The following MAPK8 variants were observed in gnomAD, a reference collection of about 807,000 sequenced individuals.
The protein encoded by MAPK8 is mitogen-activated protein kinase 8.
In MAPK8, 13 loss-of-function variants were observed where a neutral mutation model predicts 52.9. That is an observed-to-expected ratio of 0.25 (90% CI 0.16 to 0.39). The LOEUF is 0.39. MAPK8 is among the 10% of genes least tolerant of loss of function. The pLI, the probability that MAPK8 is intolerant of heterozygous loss-of-function variation, is 1.00. For missense variants in MAPK8, 300 were observed against 519.2 expected (o/e 0.58, Z 4.10); for synonymous variants, 191 against 169.8 (o/e 1.12, Z -0.97).
rs1009348136 is a variant in MAPK8 at position 48,324,548 on chromosome 10, G to A, written c.-50+17727G>A. Among the ~76,000 whole-genome samples the A allele has an allele frequency of 1.1e-4, 13 of 122,612 alleles. 1 individual carries two copies. The highest frequency in any genetic ancestry group is 1.6e-4 in the Non-Finnish European group (10 of 61,474). The allele number at this position is 122,612 out of a possible 152,430, so 80.4% of individuals were successfully genotyped here. A position where few individuals can be genotyped will look rare whatever the true frequency, so the allele number is the denominator to read the frequency against. ...ACTCATGATATTGGCTTCTTGAAGAGACCAGGCCATTTGTCATATAGAATG... is the reference window on the plus strand; with the variant it reads ...ACTCATGATATTGGCTTCTTGAAGAAACCAGGCCATTTGTCATATAGAATG... On this transcript the variant is annotated intron_variant, in intron 1 of 11. Coordinates refer to ENST00000374189, the MANE Select transcript of MAPK8 (RefSeq NM_001323329.2).
At chr10:48,391,703 A>G (rs1353416475) in intron 1 of MAPK8, among the ~76,000 whole-genome samples, 2 of 152,114 alleles carry the variant, frequency 1.3e-5, no homozygotes, top group Non-Finnish European at 2.9e-5. Context: ...TGGAGATAGC[A>G]TGAGATCTCA....
At chr10:48,374,022 A>G (rs1256230530) in intron 1 of MAPK8, among the ~76,000 whole-genome samples, 2 of 152,210 alleles carry the variant, frequency 1.3e-5, no homozygotes, top group African/African-American at 2.4e-5. Context: ...AGTAAATGCA[A>G]GAGAACAGAA....
chr10:48,334,558 C>T (rs576260470), intron 1 of MAPK8, among the ~76,000 whole-genome samples: 49 of 152,308 alleles, frequency 3.2e-4, no homozygotes, highest in Middle Eastern at 3.4e-3. Flanking sequence ...CGTATGTCAC[C>T]TCCACTGCCT....
At chr10:48,354,276 CTG>C (rs1846630657) in intron 1 of MAPK8, among the ~76,000 whole-genome samples, 1 of 152,196 alleles carries the variant, frequency 6.6e-6, no homozygotes, top group South Asian at 2.1e-4. Flanking sequence ...GACATTTAAA[CTG>C]GTTTTTGCCC....
At chr10:48,433,190 C>T (rs190929119) in intron 11 of MAPK8, among the ~76,000 whole-genome samples, 1 of 152,130 alleles carries the variant, frequency 6.6e-6, no homozygotes, top group Non-Finnish European at 1.5e-5. Flanking sequence ...AAAGAGAAAA[C>T]AAGTGTGTGT....
At chr10:48,421,133 C>A (rs1322951202) in intron 6 of MAPK8, among the ~76,000 whole-genome samples, 1 of 152,090 alleles carries the variant, frequency 6.6e-6, no homozygotes, top group South Asian at 2.1e-4. Flanking sequence ...GACATTTTTT[C>A]TGGCAAGGAA....
intron 1 of MAPK8, among the ~76,000 whole-genome samples, chr10:48,317,948 C>T (rs1842660762): frequency 6.6e-6 from 1 of 150,882 alleles, no homozygotes; most frequent in African/African-American, 2.4e-5. Context: ...GACCCCCCAC[C>T]CCCCCAGCAT....
chr10:48,373,551 T>C (rs1288285488), intron 1 of MAPK8, among the ~76,000 whole-genome samples: 2 of 105,678 alleles, frequency 1.9e-5, no homozygotes, highest in Non-Finnish European at 3.4e-5. Context: ...TGGAGGAAGA[T>C]TTACCAAGTA....
At chr10:48,350,571 C>T (rs1346498139) in intron 1 of MAPK8, among the ~76,000 whole-genome samples, 1 of 152,158 alleles carries the variant, frequency 6.6e-6, no homozygotes, top group East Asian at 1.9e-4. Flanking sequence ...TTCAATAGCC[C>T]CTCATGCTAA....
At chr10:48,409,303 T>C (rs2042625803) in intron 3 of MAPK8, among the ~76,000 whole-genome samples, 1 of 152,176 alleles carries the variant, frequency 6.6e-6, no homozygotes, top group African/African-American at 2.4e-5. Flanking sequence ...GAGCCTTCTT[T>C]TGTAAAAGAG....
intron 1 of MAPK8, among the ~76,000 whole-genome samples, chr10:48,395,447 C>T (rs964119867): frequency 6.6e-6 from 1 of 151,946 alleles, no homozygotes; most frequent in African/African-American, 2.4e-5. Flanking sequence ...GACAATTGGA[C>T]ATCTGAATGC....
intron 10 of MAPK8, among the ~76,000 whole-genome samples, chr10:48,428,356 A>G (rs777434371): frequency 3.9e-5 from 6 of 152,046 alleles, no homozygotes; most frequent in Admixed American, 6.6e-5. Flanking sequence ...ACTTTGAGTA[A>G]ATCACTCCCC....
At chr10:48,358,366 G>T (rs1295917866) in intron 1 of MAPK8, among the ~76,000 whole-genome samples, 1 of 152,148 alleles carries the variant, frequency 6.6e-6, no homozygotes, top group Non-Finnish European at 1.5e-5. Context: ...CATCATAGTG[G>T]ATATGAAGTG....
intron 1 of MAPK8, among the ~76,000 whole-genome samples, chr10:48,339,617 CAG>C (rs575180984): frequency 2.6e-4 from 40 of 152,198 alleles, no homozygotes; most frequent in African/African-American, 8.7e-4. Context: ...AAGAAACAAA[CAG>C]GGTAAACAGC....
At chr10:48,374,464 G>A (rs2040527988) in intron 1 of MAPK8, among the ~76,000 whole-genome samples, 1 of 152,010 alleles carries the variant, frequency 6.6e-6, no homozygotes, top group Non-Finnish European at 1.5e-5. Flanking sequence ...CTGGTTTTTT[G>A]AAAAGATCAA....
intron 7 of MAPK8, among the ~76,000 whole-genome samples, chr10:48,424,782 T>C (rs1395429151): frequency 1.3e-5 from 2 of 152,156 alleles, no homozygotes; most frequent in African/African-American, 2.4e-5. Context: ...CCCTGCTCAA[T>C]TGTAATTATG....
At chr10:48,339,421 A>G (rs1008866430) in intron 1 of MAPK8, among the ~76,000 whole-genome samples, 24 of 152,228 alleles carry the variant, frequency 1.6e-4, no homozygotes, top group African/African-American at 5.3e-4. Flanking sequence ...CTCTCACTAT[A>G]TACAAAAATT....
chr10:48,321,945 T>C (rs912712543), intron 1 of MAPK8, among the ~76,000 whole-genome samples: 1 of 152,234 alleles, frequency 6.6e-6, no homozygotes, highest in African/African-American at 2.4e-5. Context: ...TATATTTATA[T>C]ATAGATACAC....
At chr10:48,323,488 A>G (rs1034482845) in intron 1 of MAPK8, among the ~76,000 whole-genome samples, 1 of 152,198 alleles carries the variant, frequency 6.6e-6, no homozygotes, top group African/African-American at 2.4e-5. Context: ...AGTAGTATGT[A>G]AGGGATTGCA....
Sources: allele counts gnomAD v4.1 joint callset (sites outside exome capture counted in the v4.1 genomes callset), GRCh38; gene constraint gnomAD v4.1.1; transcripts MANE v1.5; gene names NCBI Gene and HGNC (gene_info 2026-07-23, HGNC 2026-07-21).